SNRNP200: variants seen among roughly 807,000 people sequenced by gnomAD.
The protein encoded by SNRNP200 is small nuclear ribonucleoprotein U5 subunit 200.
SNRNP200 carries 66 observed loss-of-function variants against 255.2 expected under a neutral mutation model. The observed-to-expected ratio is 0.26, with a 90% CI of 0.21 to 0.32. The LOEUF (loss-of-function observed/expected upper bound fraction) is 0.32. Among genes scored for constraint, SNRNP200 ranks in the 10% least tolerant of loss-of-function variants. SNRNP200 has a pLI of 1.00. For synonymous variants in SNRNP200, 939 were observed against 1,027.8 expected (o/e 0.91, Z 1.65); for missense variants, 1,585 against 2,749.8 (o/e 0.58, Z 9.47).
chr2:96,287,324 A>T lies in SNRNP200; in HGVS notation c.3484+115T>A, dbSNP rs1451569870. On this transcript the variant is annotated intron_variant, in intron 26 of 44. Transcript: ENST00000323853. The surrounding 1 kb of genome is among the most constrained non-coding windows in gnomAD (Gnocchi z 5.7). ...AAGGGCCAGCCTGTACTTCAGTGGG[A>T]CTTGGGGAGTGAACACAGGATACTA... The T allele has an allele frequency of 8.5e-7, 1 of 1,171,552 alleles. No individual in the cohort carries two copies. Among genetic ancestry groups the T allele is most frequent in the African/African-American group, 1.5e-5 (1 of 66,278 alleles). 72.6% of individuals were successfully genotyped at this position (1,171,552 alleles called of 1,614,324 possible).
At chr2:96,276,793 G>C in intron 43 of SNRNP200, 111 bp downstream of exon 43, 1 of 977,948 alleles carries the variant, frequency 1.0e-6, no homozygotes, top group Non-Finnish European at 1.7e-6. Context: ...CTTGTGAGCT[G>C]ATTATCAGTC....
rs375398775 is a variant in SNRNP200 at position 96,289,112 on chromosome 2, C to T, written c.3099G>A (p.Glu1033=). The part of the protein sequence containing the change: ...EFKNITVREE[E]KLELQKLLER... Reference sequence around the variant, plus strand: ...CCAGCAACTTCTGCAGCTCCAGCTTCTCCTCCTGCCACAAGGAGGAAAAGG... The same window carrying T: ...CCAGCAACTTCTGCAGCTCCAGCTTTTCCTCCTGCCACAAGGAGGAAAAGG... The change falls in exon 23 of 45, where the codon GAG becomes GAA. Residue 1033 remains glutamate, a synonymous_variant. Transcript: ENST00000323853. 3.1e-5 allele frequency: 50 copies of T among 1,613,558 alleles called. No individual in the cohort carries two copies. Among genetic ancestry groups the T allele is most frequent in the Admixed American group, 5.0e-5 (3 of 59,902 alleles).
At chr2:96,295,424 G>C in intron 14 of SNRNP200, 64 bp downstream of exon 14, 1 of 1,595,508 alleles carries the variant, frequency 6.3e-7, no homozygotes, top group Non-Finnish European at 8.6e-7. Context: ...CATTTCGCAT[G>C]AAAACCCAGC....
At position 96,291,957 on chromosome 2, in the gene SNRNP200, T is replaced by G; in HGVS notation, c.2161-57A>C. Reference sequence around the variant, plus strand: ...GAGATACTCACAGCCCCAGGGCACCTGCAGCAGGAAGCAGAAGTTGCACCA... The same window carrying G: ...GAGATACTCACAGCCCCAGGGCACCGGCAGCAGGAAGCAGAAGTTGCACCA... On this transcript the variant is annotated intron_variant, in intron 16 of 44. Transcript: ENST00000323853. The surrounding 1 kb of genome is among the most constrained non-coding windows in gnomAD (Gnocchi z 4.2). 1.3e-6 allele frequency: 2 copies of G among 1,597,342 alleles called. No homozygotes were observed. Among genetic ancestry groups the G allele is most frequent in the Non-Finnish European group, 1.7e-6 (2 of 1,171,236 alleles).
rs757591159 is a variant in SNRNP200 at position 96,287,851 on chromosome 2, C to A, written c.3365+12G>T. Reference sequence around the variant, plus strand: ...CTCATGGTGACCAGCATCCAGCTCACTGGGTCCTTACATGCGTTTGTCGAT... The same window carrying A: ...CTCATGGTGACCAGCATCCAGCTCAATGGGTCCTTACATGCGTTTGTCGAT... On this transcript the variant is annotated intron_variant, in intron 25 of 44. Coordinates refer to ENST00000323853, the MANE Select transcript of SNRNP200 (RefSeq NM_014014.5). This position sits in a 1 kb window ranked among gnomAD's most constrained non-coding sequence, Gnocchi z 5.7. 3 of 1,612,560 alleles carry A rather than the reference C, an allele frequency of 1.9e-6. No homozygotes were observed. The highest frequency in any genetic ancestry group is 2.5e-6 in the Non-Finnish European group (3 of 1,178,480).
At chr2:96,304,228 A>G (rs2063972949) in intron 2 of SNRNP200, among the ~76,000 whole-genome samples, 1 of 151,996 alleles carries the variant, frequency 6.6e-6, no homozygotes, top group Non-Finnish European at 1.5e-5. Context: ...AGTTTTTGAA[A>G]CATATCCCCA....
rs1403909259 is a variant in SNRNP200, at chr2:96,274,486, C to T, written c.*526G>A. 5.8e-6 allele frequency: 1 copy of T among 171,472 alleles called. No individual in the cohort carries two copies. The highest frequency in any genetic ancestry group is 1.3e-5 in the Non-Finnish European group (1 of 78,988). 10.6% of individuals were successfully genotyped at this position (171,472 alleles called of 1,614,324 possible). A position where few individuals can be genotyped will look rare whatever the true frequency, so the allele number is the denominator to read the frequency against. The stretch of plus-strand genomic sequence containing the variant: ...CTAACCTGTGATCTAGCTTCCGAGG[C>T]TCAGTGTTGGTTCTTGTGGTAGTGC... On this transcript the variant is annotated 3_prime_UTR_variant, in exon 45 of 45. Transcript: ENST00000323853.
chr2:96,298,903 G>A lies in SNRNP200; in HGVS notation c.794C>T (p.Ala265Val), dbSNP rs747541508. Residue 265 changes from alanine (A) to valine (V), a missense_variant, in exon 7 of 45, where the codon GCA becomes GTA. This residue lies in a region of SNRNP200 where 383 missense variants were observed against 645.3 expected (regional missense o/e 0.59). Coordinates refer to ENST00000323853, the MANE Select transcript of SNRNP200 (RefSeq NM_014014.5). ...ACTGAGCTGCCGCTGCAGCCAAAAT[G>A]CATCAATATCCCGAGGGTGCAAATC... ...KKDLHPRDIDAFWLQRQLSRF... is the reference protein window; with the variant it reads ...KKDLHPRDIDVFWLQRQLSRF... 6.2e-7 allele frequency: 1 copy of A among 1,614,158 alleles called. No homozygotes were observed. Among genetic ancestry groups the A allele is most frequent in the Non-Finnish European group, 8.5e-7 (1 of 1,180,032 alleles).
At chr2:96,292,048 C>T (rs558934637) in intron 16 of SNRNP200, 148 bp from the exon 17 acceptor site, 35 of 875,542 alleles carry the variant, frequency 4.0e-5, no homozygotes, top group South Asian at 1.4e-5. Context: ...TCAGAGGAAG[C>T]CTAAACACGG....
In SNRNP200 at chr2:96,301,534, G is replaced by C. The variant is rs1211041073; in HGVS notation, c.564C>G (p.Ile188Met). The change falls in exon 4 of 45, where the codon ATC (isoleucine) becomes ATG (methionine). Residue 188 changes from isoleucine to methionine, a missense_variant. Ile to Met is a conservative substitution (Grantham distance 10). Around this residue, in one of 9 missense-constraint regions of SNRNP200, gnomAD observed 383 missense variants for 645.3 expected, o/e 0.59. Transcript: ENST00000323853. Reference sequence around the variant, plus strand: ...AAAGCGCGCACTTACCCATATTTTGGATTTCCTTATCTCCACCATAGTCTG... The same window carrying C: ...AAAGCGCGCACTTACCCATATTTTGCATTTCCTTATCTCCACCATAGTCTG... ...KITDYGGDKE[I>M]QNMDDNIDET... The C allele has an allele frequency of 6.2e-7, 1 of 1,614,154 alleles. No homozygotes were observed. The highest frequency in any genetic ancestry group is 1.1e-5 in the South Asian group (1 of 91,078).
chr2:96,283,293 G>A lies in SNRNP200; in HGVS notation c.4823C>T (p.Thr1608Met), dbSNP rs770562614. 17 of 1,614,054 alleles carry A rather than the reference G, an allele frequency of 1.1e-5. No individual in the cohort carries two copies. The highest frequency in any genetic ancestry group is 2.2e-5 in the East Asian group (1 of 44,882). The change falls in exon 34 of 45, where the codon ACG becomes ATG. Residue 1608 changes from threonine to methionine, a missense_variant. This residue lies in a region of SNRNP200 where 719 missense variants were observed against 1,091.1 expected (regional missense o/e 0.66). Transcript: ENST00000323853. The surrounding 1 kb of genome is among the most constrained non-coding windows in gnomAD (Gnocchi z 4.7). Reference protein sequence around the residue: ...IPYLEKLSDSTLKETLLNGVG... With the variant: ...IPYLEKLSDSMLKETLLNGVG... ...CCCATTTAGCAGCGTTTCCTTGAGC[G>A]TGCTGTCACTTAGCTTCTCCAGGTA...
In SNRNP200 at chr2:96,290,313, A is replaced by G; in HGVS notation, c.2742+13T>C. On this transcript the variant is annotated intron_variant, in intron 20 of 44. Transcript: ENST00000323853. The surrounding 1 kb of genome is among the most constrained non-coding windows in gnomAD (Gnocchi z 4.5). ...GGGGAAAGCATGAAGCACAACAAGC[A>G]GTCCTCCCCTACCTTGGCATTCTGG... 1 of 1,613,408 alleles carries G rather than the reference A, an allele frequency of 6.2e-7. No homozygotes were observed. The highest frequency in any genetic ancestry group is 8.5e-7 in the Non-Finnish European group (1 of 1,179,820).
Position 96,276,965 on chromosome 2 carries a change from A to G in SNRNP200, c.6113T>C (p.Leu2038Pro). Residue 2038 changes from leucine (L) to proline (P), a missense_variant, in exon 43 of 45, where the codon CTG becomes CCG. By Grantham distance (98) the Leu-to-Pro change is moderately conservative. Coordinates refer to ENST00000323853, the MANE Select transcript of SNRNP200 (RefSeq NM_014014.5). ...SIRSGGPVVV[L>P]VQLEREEEVT... Reference sequence around the variant, plus strand: ...TTCCTCCTCTCGCTCCAGCTGCACCAGCACCACAACTGGCCCGCCACTGCA... The same window carrying G: ...TTCCTCCTCTCGCTCCAGCTGCACCGGCACCACAACTGGCCCGCCACTGCA... 1.2e-6 allele frequency: 2 copies of G among 1,613,984 alleles called. No homozygotes were observed. Among genetic ancestry groups the G allele is most frequent in the Non-Finnish European group, 1.7e-6 (2 of 1,180,016 alleles).
At chr2:96,281,946 G>T (rs767280600) in intron 34 of SNRNP200, 24 bp from the exon 35 acceptor site, 1 of 1,585,398 alleles carries the variant, frequency 6.3e-7, no homozygotes, top group South Asian at 1.1e-5. Flanking sequence ...GGGAGAGGAA[G>T]GCTGAGGGCA....
intron 31 of SNRNP200, 113 bp from the exon 32 acceptor site, chr2:96,284,117 A>G (rs956238748): frequency 6.6e-6 from 7 of 1,060,434 alleles, no homozygotes; most frequent in African/African-American, 3.1e-5. Context: ...TCTTCCTTCT[A>G]ACTAGGAGCT....
At position 96,289,315 on chromosome 2, in the gene SNRNP200, T is replaced by A; in HGVS notation, c.3005A>T (p.Asn1002Ile). 1 of 1,614,180 alleles carries A rather than the reference T, an allele frequency of 6.2e-7. No homozygotes were observed. The highest frequency in any genetic ancestry group is 2.2e-5 in the East Asian group (1 of 44,884). Reference sequence around the variant, plus strand: ...ACTCAGGGTGGGCTTCAGCAGCTGGTTGTAAGTCTGCACTGTATCATTGGT... The same window carrying A: ...ACTCAGGGTGGGCTTCAGCAGCTGGATGTAAGTCTGCACTGTATCATTGGT... ...YITNDTVQTYNQLLKPTLSEI... is the reference protein window; with the variant it reads ...YITNDTVQTYIQLLKPTLSEI... Residue 1002 changes from asparagine (N) to isoleucine (I), a missense_variant, in exon 22 of 45, where the codon AAC becomes ATC. Asn to Ile is a moderately radical substitution (Grantham distance 149). Around this residue, in one of 9 missense-constraint regions of SNRNP200, gnomAD observed 719 missense variants for 1,091.1 expected, o/e 0.66. Coordinates refer to ENST00000323853, the MANE Select transcript of SNRNP200 (RefSeq NM_014014.5).
chr2:96,277,128 A>C lies in SNRNP200; in HGVS notation c.6045T>G (p.Pro2015=). ...ADVARFCNRY[P]NIELSYEVVD... is the part of the protein sequence containing the mutation. Reference sequence around the variant, plus strand: ...CCACCTCATAAGATAGTTCGATATTAGGGTAGCGGTTACAAAAGCGAGCCA... The same window carrying C: ...CCACCTCATAAGATAGTTCGATATTCGGGTAGCGGTTACAAAAGCGAGCCA... Residue 2015 remains proline, a synonymous_variant, in exon 42 of 45, where the codon CCT becomes CCG. Coordinates refer to ENST00000323853, the MANE Select transcript of SNRNP200 (RefSeq NM_014014.5). The surrounding 1 kb of genome is among the most constrained non-coding windows in gnomAD (Gnocchi z 4.4). 1 of 1,614,212 alleles carries C rather than the reference A, an allele frequency of 6.2e-7. No homozygotes were observed. Among genetic ancestry groups the C allele is most frequent in the Non-Finnish European group, 8.5e-7 (1 of 1,180,044 alleles).
At position 96,289,315 on chromosome 2, in the gene SNRNP200, T is replaced by C. The variant is rs143529458; in HGVS notation, c.3005A>G (p.Asn1002Ser). 6.6e-4 allele frequency: 1,066 copies of C among 1,614,062 alleles called. 2 individuals are homozygous for C. The highest frequency in any genetic ancestry group is 6.0e-4 in the Non-Finnish European group (709 of 1,180,028). ...YITNDTVQTY[N>S]QLLKPTLSEI... ...ACTCAGGGTGGGCTTCAGCAGCTGGTTGTAAGTCTGCACTGTATCATTGGT... is the reference window on the plus strand; with the variant it reads ...ACTCAGGGTGGGCTTCAGCAGCTGGCTGTAAGTCTGCACTGTATCATTGGT... Residue 1002 changes from asparagine (N) to serine (S), a missense_variant, in exon 22 of 45, where the codon AAC becomes AGC. By Grantham distance (46) the Asn-to-Ser change is conservative. Transcript: ENST00000323853.
intron 5 of SNRNP200, among the ~76,000 whole-genome samples, 157 bp from the exon 6 acceptor site, chr2:96,299,584 T>C (rs927868783): frequency 6.6e-6 from 1 of 152,220 alleles, no homozygotes; most frequent in South Asian, 2.1e-4. Context: ...CTTATTCCAG[T>C]GGACATAGAA....
Sources: allele counts gnomAD v4.1 joint callset (sites outside exome capture counted in the v4.1 genomes callset), GRCh38; gene constraint gnomAD v4.1.1; regional missense constraint gnomAD v4.1.1; non-coding constraint Gnocchi (gnomAD v3.1); transcripts MANE v1.5; gene names NCBI Gene and HGNC (gene_info 2026-07-23, HGNC 2026-07-21).